Variants in BNC2 observed in about 807,000 individuals in gnomAD.
The protein encoded by BNC2 is basonuclin zinc finger protein 2.
A neutral mutation model predicts 76.3 loss-of-function variants in BNC2; 20 were observed. The ratio of observed to expected loss-of-function variants is 0.26; its 90% CI spans 0.18 to 0.38. The LOEUF is 0.38. Among genes scored for constraint, BNC2 ranks in the 10% least tolerant of loss-of-function variants. BNC2 has a pLI of 1.00. For synonymous variants in BNC2, 582 were observed against 514.8 expected (o/e 1.13, Z -1.77); for missense variants, 1,382 against 1,399.8 (o/e 0.99, Z 0.20).
intron 1 of BNC2, among the ~76,000 whole-genome samples, chr9:16,843,872 C>G (rs144578796): frequency 6.6e-6 from 1 of 152,236 alleles, no homozygotes; most frequent in African/African-American, 2.4e-5. Context: ...ATTTTTCTTC[C>G]AAGTCAAAAT....
intron 4 of BNC2, among the ~76,000 whole-genome samples, chr9:16,562,937 C>T (rs978347357): frequency 3.9e-5 from 6 of 152,114 alleles, no homozygotes; most frequent in African/African-American, 1.4e-4. Flanking sequence ...TTTACTAGCA[C>T]CACATTTTAT....
chr9:16,756,922 T>C (rs13300274), intron 1 of BNC2, among the ~76,000 whole-genome samples: 122,774 of 150,498 alleles, frequency 0.82, 51,331 homozygotes, highest in Non-Finnish European at 0.91. Context: ...ACCCGGGAGG[T>C]GGAGCTTGCA....
chr9:16,785,717 C>T (rs1348208843), intron 1 of BNC2, among the ~76,000 whole-genome samples: 1 of 151,250 alleles, frequency 6.6e-6, no homozygotes, highest in African/African-American at 2.4e-5. Context: ...AGAATGGATG[C>T]AGGCTGGGCG....
At chr9:16,419,945 CTGTT>C (rs1185704771) in intron 6 of BNC2, among the ~76,000 whole-genome samples, 20 of 152,070 alleles carry the variant, frequency 1.3e-4, no homozygotes, top group Non-Finnish European at 2.9e-4. Context: ...AATGATTACT[CTGTT>C]AGTTTTACTA....
chr9:16,770,138 T>C (rs576911536), intron 1 of BNC2, among the ~76,000 whole-genome samples: 1 of 152,272 alleles, frequency 6.6e-6, no homozygotes, highest in South Asian at 2.1e-4. Flanking sequence ...CATAGTCCCA[T>C]GGCTCAATGC....
chr9:16,766,267 A>G (rs933955439), intron 1 of BNC2, among the ~76,000 whole-genome samples: 4 of 151,970 alleles, frequency 2.6e-5, no homozygotes, highest in Non-Finnish European at 4.4e-5. Context: ...ACCATCCATC[A>G]CTGTTTCCTT....
chr9:16,665,470 G>GAAAGAAAGAAAGAAAT (rs1563888015), intron 3 of BNC2, among the ~76,000 whole-genome samples: 10 of 143,094 alleles, frequency 7.0e-5, no homozygotes, highest in African/African-American at 2.1e-4. Flanking sequence ...AAGAAAGAAA[G>GAAAGAAAGAAAGAAAT]AAAGAAAGAA....
rs1475416896 is a variant in BNC2, at chr9:16,410,975, C to T, written c.*8014G>A. Reference sequence around the variant, plus strand: ...TGAATCATGCTTCTCGCAGTGGCCACAGCACCGATTCACAGATGGGGTAGA... The same window carrying T: ...TGAATCATGCTTCTCGCAGTGGCCATAGCACCGATTCACAGATGGGGTAGA... On this transcript the variant is annotated 3_prime_UTR_variant, in exon 7 of 7. Transcript: ENST00000380672. 6.6e-6 allele frequency: 1 copy of T among 152,214 alleles called. No individual in the cohort carries two copies. Among genetic ancestry groups the T allele is most frequent in the Non-Finnish European group, 1.5e-5 (1 of 68,062 alleles). 9.4% of individuals were successfully genotyped at this position (152,214 alleles called of 1,614,324 possible). A position where few individuals can be genotyped will look rare whatever the true frequency, so the allele number is the denominator to read the frequency against.
chr9:16,422,112 T>A (rs545375177), intron 6 of BNC2, among the ~76,000 whole-genome samples: 10 of 152,330 alleles, frequency 6.6e-5, no homozygotes, highest in Non-Finnish European at 1.2e-4. Flanking sequence ...AGATGACTTG[T>A]GAAATTACAC....
chr9:16,762,543 C>G (rs919969103), intron 1 of BNC2, among the ~76,000 whole-genome samples: 1 of 152,158 alleles, frequency 6.6e-6, no homozygotes, highest in Admixed American at 6.5e-5. Flanking sequence ...TTAGGAGACC[C>G]AACACCAACA....
intron 1 of BNC2, chr9:16,867,694 C>A (rs746675754): frequency 4.1e-5 from 6 of 146,410 alleles, no homozygotes; most frequent in Non-Finnish European, 6.0e-5. Context: ...CTCCCTCTAC[C>A]CCCCCACCCC....
chr9:16,490,675 C>T (rs940570099), intron 5 of BNC2, among the ~76,000 whole-genome samples: 2 of 152,140 alleles, frequency 1.3e-5, no homozygotes, highest in African/African-American at 4.8e-5. Flanking sequence ...TATGTTTCCT[C>T]AATCAGGTCT....
intron 3 of BNC2, among the ~76,000 whole-genome samples, chr9:16,655,339 A>C (rs1563882322): frequency 6.6e-6 from 1 of 152,192 alleles, no homozygotes; most frequent in Non-Finnish European, 1.5e-5. Flanking sequence ...GCTAAATCCT[A>C]CAAAGCATCA....
intron 4 of BNC2, among the ~76,000 whole-genome samples, chr9:16,573,215 C>A: frequency 1.6e-5 from 2 of 124,266 alleles, no homozygotes; most frequent in African/African-American, 3.6e-5. Flanking sequence ...GAGCAAGACC[C>A]TGTCTCAAAA....
chr9:16,440,300 A>G (rs894963702), intron 5 of BNC2, among the ~76,000 whole-genome samples: 1 of 152,180 alleles, frequency 6.6e-6, no homozygotes, highest in African/African-American at 2.4e-5. Context: ...CCATGATGCC[A>G]TTCCCCAGGT....
chr9:16,737,240 T>C (rs1824700595), intron 2 of BNC2, among the ~76,000 whole-genome samples: 1 of 2,238 alleles, frequency 4.5e-4, no homozygotes. Flanking sequence ...CACCTGGCCT[T>C]TTTTTTTTTT....
chr9:16,482,457 GA>G (rs144045209), intron 5 of BNC2, among the ~76,000 whole-genome samples: 11,757 of 146,084 alleles, frequency 0.08, 594 homozygotes, highest in African/African-American at 0.15. Flanking sequence ...CTAATAGGCA[GA>G]AAAAAAAAAC....
intron 1 of BNC2, among the ~76,000 whole-genome samples, chr9:16,744,139 T>G (rs1824933498): frequency 1.3e-5 from 2 of 152,048 alleles, no homozygotes; most frequent in South Asian, 4.1e-4. Flanking sequence ...GCTAATTTTT[T>G]TTTGTATTTT....
intron 3 of BNC2, among the ~76,000 whole-genome samples, chr9:16,584,775 CAT>C (rs1270261219): frequency 1.3e-5 from 2 of 152,104 alleles, no homozygotes; most frequent in Admixed American, 6.6e-5. Flanking sequence ...ATTTAAATAA[CAT>C]GTTCATTAGT....
Sources: allele counts gnomAD v4.1 joint callset (sites outside exome capture counted in the v4.1 genomes callset), GRCh38; gene constraint gnomAD v4.1.1; transcripts MANE v1.5; gene names NCBI Gene and HGNC (gene_info 2026-07-23, HGNC 2026-07-21).